Variants in SEMA6A observed in about 807,000 individuals in gnomAD.
The protein encoded by SEMA6A is semaphorin 6A.
A neutral mutation model predicts 96.8 loss-of-function variants in SEMA6A; 25 were observed. The observed-to-expected ratio is 0.26, with a 90% confidence interval of 0.19 to 0.36. SEMA6A has a LOEUF of 0.36. Among genes scored for constraint, SEMA6A ranks in the 10% least tolerant of loss-of-function variants. The pLI is 1.00. For synonymous variants in SEMA6A, 612 were observed against 518.0 expected, an observed-to-expected ratio of 1.18 and a Z score of -2.46; for missense variants, 1,363 against 1,323.1, an observed-to-expected ratio of 1.03 and a Z score of -0.47.
intron 18 of SEMA6A, 41 bp downstream of exon 18, chr5:116,467,542 T>A (rs755480959): frequency 6.4e-7 from 1 of 1,568,472 alleles, no homozygotes; most frequent in East Asian, 2.3e-5. Context: ...CACTTTTCCC[T>A]CCCTCTCCCC....
intron 1 of SEMA6A, among the ~76,000 whole-genome samples, chr5:116,543,494 A>C (rs550360734): frequency 5.8e-4 from 88 of 152,380 alleles, no homozygotes; most frequent in Non-Finnish European, 1.1e-3. Context: ...GCTACATAGA[A>C]ATACTGACTA....
intron 1 of SEMA6A, among the ~76,000 whole-genome samples, chr5:116,525,774 A>G (rs1759195060): frequency 6.6e-6 from 1 of 152,232 alleles, no homozygotes; most frequent in Non-Finnish European, 1.5e-5. Flanking sequence ...GTCATTATCT[A>G]CTTGGCTTGT....
intron 11 of SEMA6A, among the ~76,000 whole-genome samples, chr5:116,481,090 A>C (rs1177769534): frequency 6.6e-6 from 1 of 152,168 alleles, no homozygotes; most frequent in Non-Finnish European, 1.5e-5. Context: ...GTCTCAAGGC[A>C]CTAACCCAGC....
intron 1 of SEMA6A, among the ~76,000 whole-genome samples, chr5:116,551,314 G>GCACACACA (rs1266065765): frequency 2.3e-5 from 1 of 44,030 alleles, no homozygotes; most frequent in Non-Finnish European, 6.8e-5. Flanking sequence ...GATAGTCTTA[G>GCACACACA]CATACACACA....
At chr5:116,548,514 A>T (rs1358971411) in intron 1 of SEMA6A, among the ~76,000 whole-genome samples, 1 of 152,140 alleles carries the variant, frequency 6.6e-6, no homozygotes, top group Non-Finnish European at 1.5e-5. Context: ...GCTTTTCTCA[A>T]CTTATGGTGT....
At chr5:116,573,246 C>T (rs900202550) in intron 1 of SEMA6A, among the ~76,000 whole-genome samples, 1 of 152,182 alleles carries the variant, frequency 6.6e-6, no homozygotes, top group Non-Finnish European at 1.5e-5. Context: ...GGAACAGAGC[C>T]CTAGTCTGGG....
chr5:116,458,677 CA>C (rs1755171511), intron 18 of SEMA6A, among the ~76,000 whole-genome samples: 1 of 152,164 alleles, frequency 6.6e-6, no homozygotes, highest in South Asian at 2.1e-4. Context: ...TACGGGTGTG[CA>C]AATTCAGGCA....
intron 15 of SEMA6A, among the ~76,000 whole-genome samples, chr5:116,477,624 T>G (rs990327362): frequency 2.0e-5 from 3 of 152,218 alleles, no homozygotes; most frequent in Non-Finnish European, 4.4e-5. Flanking sequence ...CCATTCTGTG[T>G]TTTTAATCAG....
In SEMA6A at chr5:116,473,091, A is replaced by C; in HGVS notation, c.1711T>G (p.Ser571Ala). Residue 571 changes from serine to alanine, a missense_variant and splice_region_variant, in exon 17 of 19, where the codon TCC becomes GCC. Ser to Ala is a moderately conservative substitution (Grantham distance 99). Coordinates refer to ENST00000343348, the MANE Select transcript of SEMA6A (RefSeq NM_020796.5). ...NTDGLGDCHN[S>A]FVALNGHSSS... ...TCCTTACCATTCAGTGCCACAAAGG[A>C]ATCTGAAAGACAAAAGGGAGGAGAA... The C allele has an allele frequency of 6.3e-7, 1 of 1,594,172 alleles. No homozygotes were observed. The highest frequency in any genetic ancestry group is 8.6e-7 in the Non-Finnish European group (1 of 1,169,352).
At chr5:116,523,170 G>A (rs1466833080) in intron 1 of SEMA6A, among the ~76,000 whole-genome samples, 2 of 152,084 alleles carry the variant, frequency 1.3e-5, no homozygotes, top group African/African-American at 2.4e-5. Context: ...TAAGAAAGGA[G>A]CAAAGGCATG....
chr5:116,550,198 G>A (rs1367622850), intron 1 of SEMA6A: 1 of 152,046 alleles, frequency 6.6e-6, no homozygotes, highest in Non-Finnish European at 1.5e-5. Flanking sequence ...TTCCTCTTAT[G>A]GCTACTTCTA....
intron 1 of SEMA6A, among the ~76,000 whole-genome samples, chr5:116,544,817 A>C (rs1289746983): frequency 6.6e-6 from 1 of 152,220 alleles, no homozygotes; most frequent in Non-Finnish European, 1.5e-5. Flanking sequence ...ACCACTGTTA[A>C]ATATAGTGAA....
At position 116,486,969 on chromosome 5, in the gene SEMA6A, G is replaced by A. The variant is rs776325396; in HGVS notation, c.745-3C>T. On this transcript the variant is annotated splice_polypyrimidine_tract_variant and splice_region_variant and intron_variant, in intron 9 of 18. Coordinates refer to ENST00000343348, the MANE Select transcript of SEMA6A (RefSeq NM_020796.5). Reference sequence around the variant, plus strand: ...TGAGCCACTCTTGGGAAAACTACCTGCAGAGGAAAAACACATAGGGAAAAT... The same window carrying A: ...TGAGCCACTCTTGGGAAAACTACCTACAGAGGAAAAACACATAGGGAAAAT... 3 of 1,608,392 alleles carry A rather than the reference G, an allele frequency of 1.9e-6. No individual in the cohort carries two copies. The highest frequency in any genetic ancestry group is 4.5e-5 in the East Asian group (2 of 44,804).
At chr5:116,499,097 C>T (rs1757752012) in intron 3 of SEMA6A, 1 of 152,328 alleles carries the variant, frequency 6.6e-6, no homozygotes, top group African/African-American at 2.4e-5. Context: ...CGATTGCTGA[C>T]AGCAATTGTC....
Position 116,537,621 on chromosome 5 carries a change from T to G in SEMA6A, c.-38-32639A>C, listed in dbSNP as rs73780334. On this transcript the variant is annotated intron_variant, in intron 1 of 18. Coordinates refer to ENST00000343348, the MANE Select transcript of SEMA6A (RefSeq NM_020796.5). ...GATAAAGTAACTTGTGCCTTTACAG[T>G]TGCCACAAAGATTAATTGAACAAAG... 7.4e-3 allele frequency among the ~76,000 whole-genome samples: 1,125 copies of G among 152,310 alleles called. 14 individuals carry two copies. Among genetic ancestry groups the G allele is most frequent in the African/African-American group, 0.025 (1,052 of 41,550 alleles).
At chr5:116,511,576 C>G (rs1392694266) in intron 1 of SEMA6A, among the ~76,000 whole-genome samples, 2 of 152,208 alleles carry the variant, frequency 1.3e-5, no homozygotes, top group Admixed American at 1.3e-4. Flanking sequence ...TAGGCTGATG[C>G]ATCTATGCTT....
chr5:116,557,170 T>C (rs1032674386), intron 1 of SEMA6A, among the ~76,000 whole-genome samples: 4 of 152,278 alleles, frequency 2.6e-5, no homozygotes, highest in Non-Finnish European at 5.9e-5. Flanking sequence ...GGACTAATTA[T>C]ATCATAAATT....
intron 18 of SEMA6A, among the ~76,000 whole-genome samples, chr5:116,451,209 T>C (rs1157824897): frequency 6.6e-6 from 1 of 152,092 alleles, no homozygotes; most frequent in East Asian, 1.9e-4. Flanking sequence ...AAATAAAAAA[T>C]AGGAAAGAGC....
rs188662260 is a variant in SEMA6A, at chr5:116,508,744, T to A, written c.-38-3762A>T. ...GACCCCACCTGACAAAACTCTGGAG[T>A]TGAGCATTGGCTGCCCCAAATAGGG... On this transcript the variant is annotated intron_variant, in intron 1 of 18. Transcript: ENST00000343348. Among the ~76,000 whole-genome samples the A allele has an allele frequency of 3.9e-3, 598 of 152,190 alleles. 3 individuals are homozygous for A. Among genetic ancestry groups the A allele is most frequent in the African/African-American group, 0.014 (571 of 41,524 alleles).
Sources: gnomAD v4.1 joint callset for allele counts (sites outside exome capture counted in the v4.1 genomes callset) on GRCh38, gnomAD v4.1.1 for gene constraint, MANE v1.5 for transcripts, NCBI Gene and HGNC (gene_info 2026-07-23, HGNC 2026-07-21) for gene names.